The following DPYD variants were observed in gnomAD, a reference collection of about 807,000 sequenced individuals.
DPYD encodes dihydropyrimidine dehydrogenase [NADP(+)].
DPYD carries 109 observed loss-of-function variants against 116.2 expected under a neutral mutation model. That is an observed-to-expected ratio of 0.94 (90% CI 0.80 to 1.10). The LOEUF is 1.10. Among genes scored for constraint, DPYD ranks in the 50% least tolerant of loss-of-function variants. The pLI is 0.00. For synonymous variants in DPYD, 440 were observed against 432.0 expected (o/e 1.02, Z -0.23); for missense variants, 1,302 against 1,254.5 (o/e 1.04, Z -0.57).
intron 20 of DPYD, among the ~76,000 whole-genome samples, chr1:97,121,979 G>A (rs986936008): frequency 1.3e-5 from 2 of 152,132 alleles, no homozygotes; most frequent in African/African-American, 2.4e-5. Flanking sequence ...CTAGAGCAGG[G>A]CATGGAATGT....
intron 19 of DPYD, among the ~76,000 whole-genome samples, chr1:97,206,829 T>C (rs1401056093): frequency 6.6e-6 from 1 of 151,024 alleles, no homozygotes; most frequent in Non-Finnish European, 1.5e-5. Context: ...ACACACAATA[T>C]TGTATGTATG....
intron 16 of DPYD, among the ~76,000 whole-genome samples, chr1:97,353,948 G>A (rs113082555): frequency 2.6e-5 from 4 of 152,346 alleles, no homozygotes; most frequent in African/African-American, 9.6e-5. Flanking sequence ...TGAGCCAGAT[G>A]GCCGAGATTT....
intron 13 of DPYD, 82 bp downstream of exon 13, chr1:97,515,644 A>T: frequency 8.1e-7 from 1 of 1,232,766 alleles, no homozygotes; most frequent in East Asian, 2.5e-5. Flanking sequence ...ATTTCTTAGT[A>T]AAAAAAATCC....
At chr1:97,189,640 T>C (rs954255846) in intron 20 of DPYD, among the ~76,000 whole-genome samples, 5 of 152,188 alleles carry the variant, frequency 3.3e-5, no homozygotes, top group Admixed American at 2.0e-4. Flanking sequence ...TCCAACTCTA[T>C]AGATGAATTT....
intron 14 of DPYD, among the ~76,000 whole-genome samples, chr1:97,438,764 A>T (rs1675600510): frequency 6.6e-6 from 1 of 152,082 alleles, no homozygotes; most frequent in African/African-American, 2.4e-5. Context: ...GTTCCTGTAA[A>T]TTAAGTGATT....
At chr1:97,549,829 G>T in intron 11 of DPYD, 85 bp from the exon 12 acceptor site, 1 of 1,228,894 alleles carries the variant, frequency 8.1e-7, no homozygotes, top group Non-Finnish European at 1.1e-6. Flanking sequence ...GAAAAATTAT[G>T]GTTTAATTAT....
At chr1:97,622,758 C>T (rs200519523) in intron 8 of DPYD, among the ~76,000 whole-genome samples, 9 of 151,620 alleles carry the variant, frequency 5.9e-5, no homozygotes, top group East Asian at 5.8e-4. Flanking sequence ...AAAAAGATAC[C>T]GAGGAATAAA....
At chr1:97,469,090 C>A (rs1207474813) in intron 13 of DPYD, among the ~76,000 whole-genome samples, 2 of 152,118 alleles carry the variant, frequency 1.3e-5, no homozygotes, top group African/African-American at 2.4e-5. Context: ...TAATGTTTAT[C>A]AGCAGGAATT....
chr1:97,346,012 G>GT (rs1033784330), intron 16 of DPYD, among the ~76,000 whole-genome samples: 1 of 151,752 alleles, frequency 6.6e-6, no homozygotes, highest in Non-Finnish European at 1.5e-5. Flanking sequence ...GGTAAAGTAA[G>GT]TTTTTATTTC....
chr1:97,492,340 T>C (rs1426368376), intron 13 of DPYD, among the ~76,000 whole-genome samples: 1 of 152,136 alleles, frequency 6.6e-6, no homozygotes, highest in Non-Finnish European at 1.5e-5. Flanking sequence ...ATCCTGGTCC[T>C]TGTCAAAATA....
At chr1:97,783,094 A>T (rs567799266) in intron 3 of DPYD, among the ~76,000 whole-genome samples, 1 of 152,342 alleles carries the variant, frequency 6.6e-6, no homozygotes, top group East Asian at 1.9e-4. Flanking sequence ...TTTCTTACAG[A>T]GCCAACGCTG....
chr1:97,270,855 TTTATTC>T (rs774145420), intron 18 of DPYD, among the ~76,000 whole-genome samples: 4 of 152,212 alleles, frequency 2.6e-5, no homozygotes, highest in African/African-American at 4.8e-5. Flanking sequence ...ACCTGCCTCT[TTTATTC>T]TTTCCCCAAG....
intron 16 of DPYD, among the ~76,000 whole-genome samples, chr1:97,318,337 T>C (rs539830990): frequency 7.9e-6 from 1 of 125,824 alleles, no homozygotes; most frequent in African/African-American, 2.7e-5. Context: ...AGGAAACCCA[T>C]CTCACATGCA....
intron 14 of DPYD, among the ~76,000 whole-genome samples, chr1:97,435,859 GA>G (rs375935947): frequency 1.2e-3 from 181 of 151,088 alleles, no homozygotes; most frequent in African/African-American, 4.1e-3. Context: ...AGCTGGGGGA[GA>G]AAAAAAATAT....
At chr1:97,750,279 A>T (rs775384360) in intron 3 of DPYD, among the ~76,000 whole-genome samples, 2 of 152,088 alleles carry the variant, frequency 1.3e-5, no homozygotes, top group Admixed American at 6.5e-5. Context: ...TTAAGATAAA[A>T]ATAAAAATTT....
In DPYD at chr1:97,289,493, T is replaced by C. The variant is rs1206818676; in HGVS notation, c.2299+15766A>G. On this transcript the variant is annotated intron_variant, in intron 18 of 22. Coordinates refer to ENST00000370192, the MANE Select transcript of DPYD (RefSeq NM_000110.4). ...ACATCAAAAAGCTTATCCACCATGA[T>C]CAAGTGGGCTTCATCCCTGGGATGC... 3.3e-5 allele frequency among the ~76,000 whole-genome samples: 5 copies of C among 151,690 alleles called. No homozygotes were observed. In the East Asian group the frequency reaches 9.7e-4, roughly 29 times the overall value.
intron 16 of DPYD, among the ~76,000 whole-genome samples, chr1:97,327,094 TG>T (rs1225271797): frequency 6.6e-6 from 1 of 152,006 alleles, no homozygotes; most frequent in East Asian, 1.9e-4. Flanking sequence ...AACACATAAT[TG>T]AGATCACAGG....
At chr1:97,631,699 T>A (rs1385266048) in intron 8 of DPYD, among the ~76,000 whole-genome samples, 1 of 152,040 alleles carries the variant, frequency 6.6e-6, no homozygotes. Flanking sequence ...AATGTAAGAA[T>A]AATTGAAAAT....
At chr1:97,117,885 A>G (rs1196361856) in intron 20 of DPYD, among the ~76,000 whole-genome samples, 1 of 152,112 alleles carries the variant, frequency 6.6e-6, no homozygotes, top group Non-Finnish European at 1.5e-5. Context: ...TTCCAATTCT[A>G]TGGATGATTA....
Sources: allele counts gnomAD v4.1 joint callset (sites outside exome capture counted in the v4.1 genomes callset), GRCh38; gene constraint gnomAD v4.1.1; transcripts MANE v1.5; gene names NCBI Gene and HGNC (gene_info 2026-07-23, HGNC 2026-07-21).